NCOR2: variants seen among roughly 807,000 people sequenced by gnomAD.
NCOR2 encodes the protein CTG repeat protein 26.
Under a neutral mutation model 262.9 loss-of-function variants are expected in NCOR2, and 81 were observed. The ratio of observed to expected loss-of-function variants is 0.31; its 90% confidence interval spans 0.26 to 0.37. NCOR2 has a LOEUF of 0.37. NCOR2 is among the 10% of genes least tolerant of loss of function. The pLI, the probability that NCOR2 is intolerant of heterozygous loss-of-function variation, is 1.00. For missense variants in NCOR2, 3,385 were observed against 3,621.4 expected (o/e 0.93, Z 1.68); for synonymous variants, 1,659 against 1,559.3 (o/e 1.06, Z -1.51).
intron 26 of NCOR2, 137 bp from the exon 29 acceptor site, chr12:124,354,333 C>T: frequency 2.6e-6 from 3 of 1,152,448 alleles, no homozygotes; most frequent in Non-Finnish European, 3.7e-6. Flanking sequence ...CCCCCTACCC[C>T]TAAATGGTGA....
chr12:124,564,671 G>A (rs979078230), intron 1 of NCOR2, among the ~76,000 whole-genome samples: 15 of 151,734 alleles, frequency 9.9e-5, no homozygotes, highest in Non-Finnish European at 2.1e-4. Context: ...AGAACCCTCC[G>A]GCTGGGTTCT....
intron 1 of NCOR2, among the ~76,000 whole-genome samples, chr12:124,564,924 A>G (rs1219706706): frequency 1.3e-4 from 1 of 7,652 alleles, no homozygotes; most frequent in Admixed American, 9.6e-4. Context: ...CCCCACCCCC[A>G]GGCCCCGAGA....
At chr12:124,511,313 C>T (rs534262586) in intron 1 of NCOR2, among the ~76,000 whole-genome samples, 3 of 152,366 alleles carry the variant, frequency 2.0e-5, no homozygotes, top group Admixed American at 6.5e-5. Context: ...CTGATCCCCA[C>T]TCCTGGAAGC....
intron 33 of NCOR2, 22 bp downstream of exon 35, chr12:124,342,983 C>T (rs757733945): frequency 6.2e-7 from 1 of 1,609,184 alleles, no homozygotes; most frequent in Admixed American, 1.7e-5. Flanking sequence ...CTGCAGGGTT[C>T]TGGGAGCCCC....
chr12:124,494,882 T>C (rs1362671951), intron 1 of NCOR2, among the ~76,000 whole-genome samples: 1 of 152,176 alleles, frequency 6.6e-6, no homozygotes, highest in Admixed American at 6.5e-5. Flanking sequence ...CCAATCCCAC[T>C]ACCAGTCCAG....
At chr12:124,330,644 G>A (rs960489967) in intron 44 of NCOR2, among the ~76,000 whole-genome samples, 8 of 152,332 alleles carry the variant, frequency 5.3e-5, no homozygotes, top group Non-Finnish European at 1.0e-4. Context: ...CCTGCACAGC[G>A]AGGATCCTGT....
intron 1 of NCOR2, among the ~76,000 whole-genome samples, chr12:124,489,240 C>T (rs2342924): frequency 0.79 from 120,233 of 152,040 alleles, 48,091 homozygotes; most frequent in African/African-American, 0.92. Flanking sequence ...CTCCCCAACG[C>T]GACAACATTA....
At chr12:124,484,686 C>T (rs140716171) in intron 2 of NCOR2, among the ~76,000 whole-genome samples, 1 of 152,346 alleles carries the variant, frequency 6.6e-6, no homozygotes, top group Non-Finnish European at 1.5e-5. Context: ...GAGCTCCTCC[C>T]CTTCCTGTCA....
At chr12:124,451,592 T>C (rs1038996835) in intron 6 of NCOR2, among the ~76,000 whole-genome samples, 2 of 148,500 alleles carry the variant, frequency 1.3e-5, no homozygotes, top group African/African-American at 5.0e-5. Flanking sequence ...TGTCTCCCTC[T>C]CTTCCTGTCC....
chr12:124,415,760 G>A (rs1025245205), intron 13 of NCOR2, among the ~76,000 whole-genome samples: 1 of 152,154 alleles, frequency 6.6e-6, no homozygotes, highest in Admixed American at 6.5e-5. Context: ...CAGATACCAC[G>A]GCTAAACCAG....
At chr12:124,384,053 G>A (rs1490022892) in intron 17 of NCOR2, among the ~76,000 whole-genome samples, 1 of 152,270 alleles carries the variant, frequency 6.6e-6, no homozygotes, top group East Asian at 1.9e-4. Context: ...GCGGGGGGAG[G>A]AGAGAGAAAG....
At chr12:124,506,010 C>A (rs1032689875) in intron 1 of NCOR2, among the ~76,000 whole-genome samples, 1 of 151,942 alleles carries the variant, frequency 6.6e-6, no homozygotes, top group South Asian at 2.1e-4. Flanking sequence ...TCTAGAGAGG[C>A]TCCTCGGCCA....
At position 124,495,246 on chromosome 12, in the gene NCOR2, C is replaced by A; in HGVS notation, c.6G>T (p.Ser2=). The change falls in exon 1 of 47, where the codon TCG becomes TCT. Residue 2 remains serine, a synonymous_variant. Coordinates refer to ENST00000405201, the Ensembl canonical transcript of NCOR2. The surrounding 1 kb of genome is among the most constrained non-coding windows in gnomAD (Gnocchi z 4.4). ...TCTGTGCCACAGGCTGTGTGGATCCCGACATGGTGGTGGGGGTCGGCGGGG... is the reference window on the plus strand; with the variant it reads ...TCTGTGCCACAGGCTGTGTGGATCCAGACATGGTGGTGGGGGTCGGCGGGG... The A allele has an allele frequency of 6.2e-7, 1 of 1,612,280 alleles. No individual in the cohort carries two copies. The highest frequency in any genetic ancestry group is 8.5e-7 in the Non-Finnish European group (1 of 1,179,312).
intron 1 of NCOR2, 52 bp from the exon 4 acceptor site, chr12:124,486,620 G>A: frequency 6.6e-7 from 1 of 1,518,840 alleles, no homozygotes; most frequent in Non-Finnish European, 8.8e-7. Context: ...GGGCATGGCG[G>A]GGCACGGCAG....
chr12:124,486,743 G>C (rs2047785969), intron 1 of NCOR2, among the ~76,000 whole-genome samples, 175 bp from the exon 4 acceptor site: 3 of 152,188 alleles, frequency 2.0e-5, no homozygotes, highest in Admixed American at 6.5e-5. Flanking sequence ...GCTACCCTTG[G>C]GGCCGAACAC....
Position 124,330,834 on chromosome 12 carries a change from G to T in NCOR2, c.6958+11C>A. ...CCAGGGCAGCCATATAGCAAGGGCTGGATGGGTTACCTGTTCCGGTGATGG... is the reference window on the plus strand; with the variant it reads ...CCAGGGCAGCCATATAGCAAGGGCTTGATGGGTTACCTGTTCCGGTGATGG... On this transcript the variant is annotated intron_variant, in intron 44 of 46. Transcript: ENST00000405201. The T allele has an allele frequency of 3.8e-6, 6 of 1,571,796 alleles. No homozygotes were observed. Among genetic ancestry groups the T allele is most frequent in the Non-Finnish European group, 5.2e-6 (6 of 1,157,742 alleles).
rs372374210 is a variant in NCOR2 at position 124,544,462 on chromosome 12, G to A, written c.-164-8851C>T. 1.6e-4 allele frequency among the ~76,000 whole-genome samples: 24 copies of A among 152,194 alleles called. 1 individual carries two copies. The highest frequency in any genetic ancestry group is 1.4e-3 in the Admixed American group (21 of 15,284). ...TCCCTGGAGGGCGGGGGCACCATCC[G>A]CCAGAAGCAATTAATTGCTGGGTCA... On this transcript the variant is annotated intron_variant, in intron 1 of 32. Coordinates refer to the NCOR2 transcript ENST00000458234.
In NCOR2 at chr12:124,335,651, G is replaced by GCAGAGT. The variant is rs755773673; in HGVS notation, c.6116-25_6116-20dup. On this transcript the variant is annotated intron_variant, in intron 38 of 46. Transcript: ENST00000405201. ...TGGTAACCTAGGGCAGGCGGGGGGT[G>GCAGAGT]CAGAGTCAGGCACCGGGCCCAGGGT... 1.5e-5 allele frequency: 24 copies of GCAGAGT among 1,582,820 alleles called. No individual in the cohort carries two copies. The highest frequency in any genetic ancestry group is 1.9e-5 in the Non-Finnish European group (22 of 1,167,560).
chr12:124,334,442 TGG>T lies in NCOR2; in HGVS notation c.6585_6586del (p.His2196GlnfsTer20). On this transcript the variant is annotated frameshift_variant, in exon 41 of 47. Coordinates refer to ENST00000405201, the Ensembl canonical transcript of NCOR2. LOFTEE classifies it high-confidence loss of function. Reference sequence around the variant, plus strand: ...CGCTCACCTCTTGCCCCCTTCGCTGTGGGGGGAGCCACGGGCCGGGGCACCAT... The same window carrying T: ...CGCTCACCTCTTGCCCCCTTCGCTGTGGGGAGCCACGGGCCGGGGCACCAT... 6.7e-7 allele frequency: 1 copy of T among 1,498,684 alleles called. No individual in the cohort carries two copies. The highest frequency in any genetic ancestry group is 8.9e-7 in the Non-Finnish European group (1 of 1,126,174). 92.8% of individuals were successfully genotyped at this position (1,498,684 alleles called of 1,614,324 possible).
Sources: gnomAD v4.1 joint callset for allele counts (sites outside exome capture counted in the v4.1 genomes callset) on GRCh38, gnomAD v4.1.1 for gene constraint, Gnocchi (gnomAD v3.1) non-coding constraint, MANE v1.5 for transcripts, NCBI Gene and HGNC (gene_info 2026-07-23, HGNC 2026-07-21) for gene names.